The following CPM variants were observed in gnomAD, a reference collection of about 807,000 sequenced individuals.
CPM encodes the protein renal carboxypeptidase.
In CPM, 35 loss-of-function variants were observed where a neutral mutation model predicts 46.4. The observed-to-expected ratio is 0.75, with a 90% CI of 0.58 to 1.00. The LOEUF (loss-of-function observed/expected upper bound fraction) is 1.00. Ranked by LOEUF, CPM falls within the 50% of genes least tolerant of loss-of-function variation. The probability of loss-of-function intolerance (pLI) is 0.00; values close to 1 mark genes in which losing one functional copy is unlikely to be tolerated. For synonymous variants in CPM, 195 were observed against 195.3 expected, an observed-to-expected ratio of 1.00 and a Z score of 0.01; for missense variants, 422 against 530.4, an observed-to-expected ratio of 0.80 and a Z score of 2.01.
intron 3 of CPM, among the ~76,000 whole-genome samples, chr12:68,880,604 C>T (rs891278359): frequency 1.3e-5 from 2 of 152,092 alleles, no homozygotes; most frequent in Non-Finnish European, 2.9e-5. Context: ...ATTTTAAAAA[C>T]AGAGAAGAGA....
intron 2 of CPM, among the ~76,000 whole-genome samples, chr12:68,927,532 G>A (rs1409624050): frequency 6.6e-6 from 1 of 151,986 alleles, no homozygotes; most frequent in African/African-American, 2.4e-5. Context: ...CACTCTGATG[G>A]TAGTTTCTTT....
intron 2 of CPM, among the ~76,000 whole-genome samples, chr12:68,926,943 T>A (rs1322424961): frequency 6.6e-6 from 1 of 152,238 alleles, no homozygotes; most frequent in Non-Finnish European, 1.5e-5. Context: ...TGTGCCACAT[T>A]TTCTTAATCC....
intron 3 of CPM, among the ~76,000 whole-genome samples, chr12:68,874,180 C>T (rs1276112707): frequency 2.0e-5 from 3 of 152,170 alleles, no homozygotes; most frequent in Admixed American, 6.5e-5. Context: ...GTCACTTGTA[C>T]ACCCCACTGG....
chr12:68,930,341 C>T (rs894904202), intron 2 of CPM, among the ~76,000 whole-genome samples: 1 of 152,252 alleles, frequency 6.6e-6, no homozygotes, highest in African/African-American at 2.4e-5. Flanking sequence ...CTCGGCCTCC[C>T]AAGGTGCTGG....
chr12:68,881,759 C>T (rs552707541), intron 3 of CPM, among the ~76,000 whole-genome samples: 10 of 148,670 alleles, frequency 6.7e-5, no homozygotes, highest in Admixed American at 2.7e-4. Context: ...CTCACTCTGT[C>T]GCCCAGGCTG....
Position 68,933,163 on chromosome 12 carries a change from T to C in CPM, c.-25A>G, listed in dbSNP as rs1888588684. On this transcript the variant is annotated 5_prime_UTR_variant, in exon 1 of 9. Transcript: ENST00000551568. ...TCACCAGGTCCCAGGCGCGCACCTC[T>C]ACCCACCCGCGGCCGCCCGGCGGGG... 5.8e-6 allele frequency: 1 copy of C among 172,556 alleles called. No individual in the cohort carries two copies. The highest frequency in any genetic ancestry group is 1.2e-5 in the Non-Finnish European group (1 of 82,604). The allele number at this position is 172,556 out of a possible 1,614,324, so 10.7% of individuals were successfully genotyped here. A position where few individuals can be genotyped will look rare whatever the true frequency, so the allele number is the denominator to read the frequency against.
intron 5 of CPM, 68 bp downstream of exon 5, chr12:68,870,147 C>G: frequency 2.7e-6 from 4 of 1,489,642 alleles, no homozygotes; most frequent in Non-Finnish European, 3.6e-6. Context: ...TGATCCCCAT[C>G]CAGAGGCAGA....
intron 2 of CPM, 107 bp from the exon 3 acceptor site, chr12:68,885,996 C>T: frequency 2.3e-6 from 2 of 862,134 alleles, no homozygotes; most frequent in South Asian, 1.6e-5. Context: ...ACTTGATCGC[C>T]TGTTTCATGG....
At chr12:68,962,618 G>C (rs1387537920) in intron 1 of CPM, among the ~76,000 whole-genome samples, 1 of 152,178 alleles carries the variant, frequency 6.6e-6, no homozygotes, top group African/African-American at 2.4e-5. Context: ...CTCTTGGCAA[G>C]GGCATCCCAA....
rs779153007 is a variant in CPM at position 68,853,660 on chromosome 12, T to G, written c.*2777A>C. On this transcript the variant is annotated 3_prime_UTR_variant, in exon 9 of 9. Coordinates refer to ENST00000551568, the MANE Select transcript of CPM (RefSeq NM_198320.5). Reference sequence around the variant, plus strand: ...ACCAAGGCAACTCACTTTCCATGAGTAATACACCACACTTCTAGAAATCAG... The same window carrying G: ...ACCAAGGCAACTCACTTTCCATGAGGAATACACCACACTTCTAGAAATCAG... The G allele has an allele frequency of 6.6e-6, 1 of 151,046 alleles. No homozygotes were observed. Among genetic ancestry groups the G allele is most frequent in the Non-Finnish European group, 1.5e-5 (1 of 67,924 alleles). The allele number at this position is 151,046 out of a possible 1,614,324, so 9.4% of individuals were successfully genotyped here. A position where few individuals can be genotyped will look rare whatever the true frequency, so the allele number is the denominator to read the frequency against.
intron 5 of CPM, chr12:68,843,975 A>C (rs1467164856): frequency 9.6e-6 from 2 of 209,338 alleles, no homozygotes; most frequent in Non-Finnish European, 1.9e-5. Flanking sequence ...TGAAGCTAGA[A>C]CCAAGCAGAA....
chr12:68,859,538 G>A (rs2136217304), intron 7 of CPM, among the ~76,000 whole-genome samples: 1 of 152,288 alleles, frequency 6.6e-6, no homozygotes. Flanking sequence ...ATAATCACAA[G>A]GCTTCTTGGA....
chr12:68,861,482 T>A (rs545442718), intron 7 of CPM, among the ~76,000 whole-genome samples: 4 of 151,960 alleles, frequency 2.6e-5, no homozygotes, highest in Non-Finnish European at 4.4e-5. Context: ...TCGAAGAAAA[T>A]CAAGTGCATA....
intron 3 of CPM, among the ~76,000 whole-genome samples, chr12:68,881,546 A>G (rs1056254518): frequency 5.0e-5 from 7 of 141,382 alleles, no homozygotes; most frequent in African/African-American, 1.9e-4. Context: ...AAAGGTAGCT[A>G]GTATTTACTT....
chr12:68,856,614 G>A lies in CPM; in HGVS notation c.1155C>T (p.Phe385=). The A allele has an allele frequency of 6.2e-7, 1 of 1,614,202 alleles. No homozygotes were observed. Among genetic ancestry groups the A allele is most frequent in the Non-Finnish European group, 8.5e-7 (1 of 1,179,992 alleles). Residue 385 remains phenylalanine (F), a synonymous_variant, in exon 9 of 9, where the codon TTC becomes TTT. Transcript: ENST00000551568. ...KVIIPEKSQN[F]SALKKDILLP... ...GTAGAATATCCTTTTTAAGAGCACT[G>A]AAGTTCTGGGATTTCTCCGGAATAA...
intron 1 of CPM, among the ~76,000 whole-genome samples, chr12:68,943,739 G>T (rs1012325384): frequency 1.3e-5 from 2 of 152,160 alleles, no homozygotes; most frequent in South Asian, 2.1e-4. Flanking sequence ...AATCTGGATT[G>T]TGTGATATCA....
intron 7 of CPM, among the ~76,000 whole-genome samples, chr12:68,860,935 C>T (rs1885182600): frequency 6.6e-6 from 1 of 151,446 alleles, no homozygotes; most frequent in South Asian, 2.1e-4. Context: ...GGCTGGAGTG[C>T]AGTGGTGTGA....
intron 2 of CPM, 48 bp downstream of exon 2, chr12:68,932,630 A>G (rs1210338528): frequency 6.2e-7 from 1 of 1,605,952 alleles, no homozygotes; most frequent in East Asian, 2.2e-5. Context: ...ATGAATACTG[A>G]AAGGGAGGAC....
intron 2 of CPM, among the ~76,000 whole-genome samples, chr12:68,886,390 T>C (rs1592661711): frequency 6.6e-6 from 1 of 151,372 alleles, no homozygotes; most frequent in South Asian, 2.1e-4. Context: ...CCCAGCACTC[T>C]AGGAGGCCGA....
Sources: allele counts gnomAD v4.1 joint callset (sites outside exome capture counted in the v4.1 genomes callset), GRCh38; gene constraint gnomAD v4.1.1; transcripts MANE v1.5; gene names NCBI Gene and HGNC (gene_info 2026-07-23, HGNC 2026-07-21).